Variants in OPCML observed in about 807,000 individuals in gnomAD.
OPCML encodes opioid binding protein/cell adhesion molecule like, also known as opioid-binding protein/cell adhesion molecule.
Under a neutral mutation model 37.8 loss-of-function variants are expected in OPCML, and 13 were observed. The observed-to-expected ratio is 0.34, with a 90% CI of 0.22 to 0.55. The LOEUF (loss-of-function observed/expected upper bound fraction) is 0.55, where lower values mean the gene tolerates loss of function less well. OPCML is among the 20% of genes least tolerant of loss of function. The pLI is 0.91. For missense variants in OPCML, 341 were observed against 435.6 expected (o/e 0.78, Z 1.93); for synonymous variants, 176 against 168.8 (o/e 1.04, Z -0.33).
intron 1 of OPCML, among the ~76,000 whole-genome samples, chr11:133,377,612 G>GAAAAAACAAAAAAAAAAAAA (rs1944837568): frequency 1.3e-5 from 1 of 79,088 alleles, no homozygotes; most frequent in African/African-American, 5.8e-5. Flanking sequence ...CCAGTATTCA[G>GAAAAAACAAAAAAAAAAAAA]AAAAAAAAAA....
chr11:132,837,930 T>C (rs1454595924), intron 2 of OPCML, among the ~76,000 whole-genome samples: 1 of 152,256 alleles, frequency 6.6e-6, no homozygotes, highest in Non-Finnish European at 1.5e-5. Context: ...CTGGAGGGCC[T>C]CACGTTCAAT....
chr11:132,732,305 G>A (rs996566657), intron 2 of OPCML, among the ~76,000 whole-genome samples: 2 of 152,192 alleles, frequency 1.3e-5, no homozygotes, highest in Non-Finnish European at 2.9e-5. Flanking sequence ...ACACCTAAGT[G>A]GGGGATAAAT....
rs557452585 is a variant in OPCML, at chr11:132,503,634, A to G, written c.505+25427T>C. Among the ~76,000 whole-genome samples the G allele has an allele frequency of 3.3e-5, 5 of 152,322 alleles. No homozygotes were observed. In the East Asian group the frequency reaches 9.6e-4, roughly 29 times the overall value. On this transcript the variant is annotated intron_variant, in intron 4 of 7. Coordinates refer to ENST00000524381, the MANE Select transcript of OPCML (RefSeq NM_001012393.5). ...AAACATTTATTTATAATATCTCAATAAGTGAGATCTTGAAAATAGAAACTA... is the reference window on the plus strand; with the variant it reads ...AAACATTTATTTATAATATCTCAATGAGTGAGATCTTGAAAATAGAAACTA...
At chr11:132,627,650 A>AT (rs1229663167) in intron 3 of OPCML, among the ~76,000 whole-genome samples, 2 of 152,224 alleles carry the variant, frequency 1.3e-5, no homozygotes, top group African/African-American at 4.8e-5. Flanking sequence ...CGACATGTAG[A>AT]TGATTTCAGC....
chr11:132,846,072 G>C (rs564143460), intron 2 of OPCML, among the ~76,000 whole-genome samples: 71 of 152,150 alleles, frequency 4.7e-4, no homozygotes, highest in African/African-American at 1.7e-3. Flanking sequence ...TAAAGAAAAG[G>C]GCAGGACACA....
At chr11:133,181,972 G>A (rs772018619) in intron 1 of OPCML, among the ~76,000 whole-genome samples, 2 of 152,158 alleles carry the variant, frequency 1.3e-5, no homozygotes, top group Non-Finnish European at 2.9e-5. Context: ...GCCAAGCAGG[G>A]CCCAGAAAAG....
At chr11:133,216,276 A>C (rs1939584469) in intron 1 of OPCML, among the ~76,000 whole-genome samples, 2 of 152,198 alleles carry the variant, frequency 1.3e-5, no homozygotes, top group Admixed American at 6.5e-5. Context: ...GTGTTTTATA[A>C]ACCCAAACAG....
intron 1 of OPCML, chr11:133,008,963 C>T (rs1410773791): frequency 4.3e-5 from 42 of 985,300 alleles, no homozygotes; most frequent in Non-Finnish European, 4.9e-5. Context: ...TTCTACATTA[C>T]TGAGGAGATT....
intron 1 of OPCML, among the ~76,000 whole-genome samples, chr11:133,521,005 C>G (rs997908095): frequency 8.5e-5 from 13 of 152,150 alleles, no homozygotes; most frequent in Admixed American, 7.2e-4. Context: ...TTGGCATGCA[C>G]TCCACTGCTA....
chr11:132,796,017 C>A (rs1938286243), intron 2 of OPCML, among the ~76,000 whole-genome samples: 1 of 152,172 alleles, frequency 6.6e-6, no homozygotes, highest in Non-Finnish European at 1.5e-5. Flanking sequence ...CTAAACAATA[C>A]AGTTTATAAG....
At chr11:133,478,623 G>A (rs577122213) in intron 1 of OPCML, among the ~76,000 whole-genome samples, 1 of 152,290 alleles carries the variant, frequency 6.6e-6, no homozygotes, top group South Asian at 2.1e-4. Flanking sequence ...CACAAATGGA[G>A]TAAGACAAAT....
intron 2 of OPCML, among the ~76,000 whole-genome samples, chr11:132,876,706 A>G (rs1235526217): frequency 6.6e-6 from 1 of 152,188 alleles, no homozygotes; most frequent in Non-Finnish European, 1.5e-5. Context: ...CTATCACCCC[A>G]GTTTTATCTT....
At chr11:133,296,433 G>A (rs139062244) in intron 1 of OPCML, among the ~76,000 whole-genome samples, 1,561 of 152,292 alleles carry the variant, frequency 0.01, 13 homozygotes, top group Non-Finnish European at 0.016. Flanking sequence ...GATTCTGGAA[G>A]CCCGCTCAAC....
At chr11:132,728,795 C>A (rs1944974395) in intron 2 of OPCML, among the ~76,000 whole-genome samples, 1 of 152,062 alleles carries the variant, frequency 6.6e-6, no homozygotes, top group South Asian at 2.1e-4. Flanking sequence ...ATTCCTGATG[C>A]CATGTGGAAA....
rs919397076 is a variant in OPCML at position 132,417,271 on chromosome 11, C to G, written c.*2922G>C. The G allele has an allele frequency of 1.3e-5, 2 of 152,210 alleles. No homozygotes were observed. Among genetic ancestry groups the G allele is most frequent in the African/African-American group, 4.8e-5 (2 of 41,442 alleles). 9.4% of individuals were successfully genotyped at this position (152,210 alleles called of 1,614,324 possible). A position where few individuals can be genotyped will look rare whatever the true frequency, so the allele number is the denominator to read the frequency against. On this transcript the variant is annotated 3_prime_UTR_variant, in exon 8 of 8. Coordinates refer to ENST00000524381, the MANE Select transcript of OPCML (RefSeq NM_001012393.5). ...TTCAAAATGATGGGTGACAGCCACT[C>G]TCCCATGAAGCCATCCCCACCAAAG... is the stretch of plus-strand genomic sequence containing the variant.
intron 2 of OPCML, among the ~76,000 whole-genome samples, chr11:132,924,152 T>C (rs575217681): frequency 2.6e-5 from 4 of 151,976 alleles, no homozygotes; most frequent in Admixed American, 6.6e-5. Flanking sequence ...TGTGTGTGTA[T>C]GTGAAGAGGG....
At chr11:132,749,087 T>C (rs888437249) in intron 2 of OPCML, among the ~76,000 whole-genome samples, 43 of 152,120 alleles carry the variant, frequency 2.8e-4, no homozygotes, top group African/African-American at 1.0e-3. Context: ...GGAGCCCTCA[T>C]GAATGGGACC....
chr11:132,921,062 CT>C (rs1352967382), intron 2 of OPCML, among the ~76,000 whole-genome samples: 2 of 152,222 alleles, frequency 1.3e-5, no homozygotes, highest in Non-Finnish European at 2.9e-5. Context: ...TGCTTCATCA[CT>C]TTTTTCTTTT....
intron 1 of OPCML, among the ~76,000 whole-genome samples, chr11:133,126,100 TGA>T (rs1592026181): frequency 6.8e-6 from 1 of 147,774 alleles, no homozygotes; most frequent in African/African-American, 2.5e-5. Context: ...CACACATATA[TGA>T]GAGAGAGAGA....
Sources: allele counts gnomAD v4.1 joint callset (sites outside exome capture counted in the v4.1 genomes callset), GRCh38; gene constraint gnomAD v4.1.1; transcripts MANE v1.5; gene names NCBI Gene and HGNC (gene_info 2026-07-23, HGNC 2026-07-21).